Variants in RGS7 observed in about 807,000 individuals in gnomAD.
RGS7 encodes regulator of G-protein signaling 7.
RGS7 carries 27 observed loss-of-function variants against 81.1 expected under a neutral mutation model. The observed-to-expected ratio is 0.33, with a 90% CI of 0.25 to 0.46. The LOEUF (loss-of-function observed/expected upper bound fraction) is 0.46, where lower values mean the gene tolerates loss of function less well. RGS7 is among the 20% of genes least tolerant of loss of function. The pLI, the probability that RGS7 is intolerant of heterozygous loss-of-function variation, is 1.00. For missense variants in RGS7, 396 were observed against 607.4 expected (o/e 0.65, Z 3.66); for synonymous variants, 208 against 207.7 (o/e 1.00, Z -0.01).
At chr1:241,338,204 T>G (rs2082347977) in intron 2 of RGS7, among the ~76,000 whole-genome samples, 1 of 152,188 alleles carries the variant, frequency 6.6e-6, no homozygotes, top group African/African-American at 2.4e-5. Flanking sequence ...ATCTCCATGG[T>G]TAAGAATGTA....
chr1:241,182,531 T>C (rs1327877865), intron 2 of RGS7, among the ~76,000 whole-genome samples: 1 of 152,200 alleles, frequency 6.6e-6, no homozygotes, highest in East Asian at 1.9e-4. Context: ...CTATACTTGC[T>C]ACTATTCTGA....
intron 2 of RGS7, among the ~76,000 whole-genome samples, chr1:241,265,315 A>C (rs534389977): frequency 6.6e-6 from 1 of 152,384 alleles, no homozygotes; most frequent in Admixed American, 6.5e-5. Context: ...GATGCAGAGA[A>C]GGCAATCAAA....
intron 10 of RGS7, among the ~76,000 whole-genome samples, chr1:240,823,752 C>T (rs1358612648): frequency 6.6e-6 from 1 of 152,150 alleles, no homozygotes; most frequent in Non-Finnish European, 1.5e-5. Context: ...TTGAACTCGC[C>T]AAGCCTCAGT....
In RGS7 at chr1:241,262,543, T is replaced by C. The variant is rs899134563; in HGVS notation, c.78+93156A>G. Among the ~76,000 whole-genome samples the C allele has an allele frequency of 2.0e-5, 3 of 152,208 alleles. No homozygotes were observed. The East Asian group carries it at 5.8e-4, about 29-fold the overall frequency. On this transcript the variant is annotated intron_variant, in intron 2 of 18. Coordinates refer to ENST00000440928, the MANE Select transcript of RGS7 (RefSeq NM_001364886.1). ...GGGAAGAGAGATTTGTTTGTGAGCT[T>C]TGAAGCAAAATGGAAAATTAGCTTA...
chr1:241,247,690 C>G (rs904843524), intron 2 of RGS7, among the ~76,000 whole-genome samples: 2 of 151,524 alleles, frequency 1.3e-5, no homozygotes, highest in African/African-American at 4.9e-5. Context: ...ACCAAGGTTC[C>G]TTTTCTCAAC....
At chr1:240,846,530 T>A (rs1417761961) in intron 9 of RGS7, among the ~76,000 whole-genome samples, 3 of 152,138 alleles carry the variant, frequency 2.0e-5, no homozygotes, top group Non-Finnish European at 4.4e-5. Context: ...GGGAAGGGTT[T>A]CATTCATGCT....
chr1:240,929,604 A>C (rs905121450), intron 6 of RGS7, among the ~76,000 whole-genome samples: 1 of 152,056 alleles, frequency 6.6e-6, no homozygotes, highest in Non-Finnish European at 1.5e-5. Context: ...ATTTTCTATG[A>C]ATTTTCTTAT....
chr1:241,001,597 TGA>T (rs1490074685), intron 3 of RGS7, among the ~76,000 whole-genome samples: 2 of 152,102 alleles, frequency 1.3e-5, no homozygotes, highest in Non-Finnish European at 1.5e-5. Flanking sequence ...AAAACATCAT[TGA>T]GTTCTAAAAA....
intron 2 of RGS7, among the ~76,000 whole-genome samples, chr1:241,100,141 C>G (rs942784218): frequency 6.7e-6 from 1 of 150,010 alleles, no homozygotes; most frequent in East Asian, 2.0e-4. Context: ...TTTGGGAGGC[C>G]GAGGCGGGCG....
chr1:240,976,825 A>G (rs900452836), intron 4 of RGS7, among the ~76,000 whole-genome samples: 1 of 149,332 alleles, frequency 6.7e-6, no homozygotes, highest in African/African-American at 2.5e-5. Flanking sequence ...ATTTTCTATC[A>G]TCTACCTATC....
At chr1:241,177,780 T>C (rs2071267983) in intron 2 of RGS7, among the ~76,000 whole-genome samples, 1 of 151,550 alleles carries the variant, frequency 6.6e-6, no homozygotes, top group Admixed American at 6.6e-5. Flanking sequence ...GAGGTGGGAA[T>C]GGAGAAAGAG....
intron 7 of RGS7, among the ~76,000 whole-genome samples, chr1:240,869,426 G>T (rs965458465): frequency 6.6e-6 from 1 of 152,222 alleles, no homozygotes; most frequent in Non-Finnish European, 1.5e-5. Flanking sequence ...AGGGTAAATG[G>T]TCTTTAATCC....
chr1:241,226,861 A>C (rs1430733124), intron 2 of RGS7, among the ~76,000 whole-genome samples: 1 of 152,226 alleles, frequency 6.6e-6, no homozygotes, highest in Non-Finnish European at 1.5e-5. Flanking sequence ...TTAAATTCTG[A>C]AGTCTGAAGT....
rs145795433 is a variant in RGS7, at chr1:240,798,912, A to G, written c.*6+1729T>C. 3.0e-3 allele frequency among the ~76,000 whole-genome samples: 460 copies of G among 152,256 alleles called. 15 individuals are homozygous for G. The highest frequency in any genetic ancestry group is 0.026 in the Admixed American group (398 of 15,272). On this transcript the variant is annotated intron_variant, in intron 18 of 18. Transcript: ENST00000440928. ...AACCTGTGTAGAGGATTCCTTTAAA[A>G]TATTTACATAAATTCCATCTTTACT...
chr1:240,897,460 A>G (rs931319704), intron 6 of RGS7, among the ~76,000 whole-genome samples: 4 of 152,218 alleles, frequency 2.6e-5, no homozygotes, highest in Non-Finnish European at 5.9e-5. Flanking sequence ...CATCCCATCA[A>G]TACCTAGTTT....
At chr1:241,105,905 G>T (rs2065064280) in intron 2 of RGS7, among the ~76,000 whole-genome samples, 1 of 152,166 alleles carries the variant, frequency 6.6e-6, no homozygotes, top group South Asian at 2.1e-4. Flanking sequence ...AGATTGAATG[G>T]CTTTTTTCTA....
chr1:241,319,768 G>T (rs1393176961), intron 2 of RGS7, among the ~76,000 whole-genome samples: 1 of 152,110 alleles, frequency 6.6e-6, no homozygotes, highest in Non-Finnish European at 1.5e-5. Context: ...ACATATTCTA[G>T]AAAATGTTTT....
At chr1:241,089,710 T>C (rs1270666353) in intron 3 of RGS7, among the ~76,000 whole-genome samples, 1 of 152,126 alleles carries the variant, frequency 6.6e-6, no homozygotes, top group Non-Finnish European at 1.5e-5. Flanking sequence ...TGTCTTTTGT[T>C]ATCGTAATTA....
chr1:241,351,435 A>AC (rs1381896780), intron 2 of RGS7, among the ~76,000 whole-genome samples: 1 of 151,138 alleles, frequency 6.6e-6, no homozygotes, highest in Non-Finnish European at 1.5e-5. Flanking sequence ...AAAAAAAAAA[A>AC]AATAGAATGG....
Sources: allele counts gnomAD v4.1 joint callset (sites outside exome capture counted in the v4.1 genomes callset), GRCh38; gene constraint gnomAD v4.1.1; transcripts MANE v1.5; gene names NCBI Gene and HGNC (gene_info 2026-07-23, HGNC 2026-07-21).